KIAA2012: variants seen among roughly 807,000 people sequenced by gnomAD.
The protein encoded by KIAA2012 is KIAA2012.
A neutral mutation model predicts 150.6 loss-of-function variants in KIAA2012; 125 were observed. The ratio of observed to expected loss-of-function variants is 0.83; its 90% CI spans 0.72 to 0.96. The LOEUF is 0.96. Ranked by LOEUF, KIAA2012 falls within the 40% of genes least tolerant of loss-of-function variation. The pLI is 0.00. For synonymous variants in KIAA2012, 462 were observed against 504.7 expected, an observed-to-expected ratio of 0.92 and a Z score of 1.13; for missense variants, 1,219 against 1,354.9, an observed-to-expected ratio of 0.90 and a Z score of 1.57.
At position 202,154,748 on chromosome 2, in the gene KIAA2012, T is replaced by A. The variant is rs767566416; in HGVS notation, c.1984T>A (p.Cys662Ser). 10 of 1,550,336 alleles carry A rather than the reference T, an allele frequency of 6.5e-6. No homozygotes were observed. In the South Asian group the frequency reaches 1.2e-4, roughly 18 times the overall value. The change falls in exon 14 of 24, where the codon TGT becomes AGT. Residue 662 changes from cysteine (C) to serine (S), a missense_variant. Transcript: ENST00000498697. Reference protein sequence around the residue: ...PQSCINKALICSNRKEFYTRK... With the variant: ...PQSCINKALISSNRKEFYTRK... ...AAGTTGTATAAATAAAGCGCTGATATGTTCAAACAGAAAAGAATTTTACAC... is the reference window on the plus strand; with the variant it reads ...AAGTTGTATAAATAAAGCGCTGATAAGTTCAAACAGAAAAGAATTTTACAC...
intron 12 of KIAA2012, chr2:202,125,871 G>A (rs545985392): frequency 7.8e-4 from 350 of 447,822 alleles, no homozygotes; most frequent in Non-Finnish European, 8.6e-4. Flanking sequence ...ATGATGACCT[G>A]GAGACTTTCT....
chr2:202,108,234 A>G (rs1165383659), intron 9 of KIAA2012, among the ~76,000 whole-genome samples: 1 of 152,146 alleles, frequency 6.6e-6, no homozygotes, highest in Non-Finnish European at 1.5e-5. Context: ...TTTTTATTTT[A>G]TTGCTTAACC....
Position 202,075,043 on chromosome 2 carries a change from C to T in KIAA2012, c.237C>T (p.Ala79=). 6.4e-7 allele frequency: 1 copy of T among 1,550,576 alleles called. No homozygotes were observed. Among genetic ancestry groups the T allele is most frequent in the Non-Finnish European group, 8.7e-7 (1 of 1,146,998 alleles). The change falls in exon 2 of 24, where the codon GCC becomes GCT. Residue 79 remains alanine, a synonymous_variant. Transcript: ENST00000498697. Reference sequence around the variant, plus strand: ...TGATCCTGTACTCAGAAGGTTTTGCCATTTCGGCATGGACACCCAAAGAGA... The same window carrying T: ...TGATCCTGTACTCAGAAGGTTTTGCTATTTCGGCATGGACACCCAAAGAGA... The part of the protein sequence containing the change: ...GALILYSEGF[A]ISAWTPKERR...
chr2:202,096,171 G>A (rs1689879262), intron 4 of KIAA2012, among the ~76,000 whole-genome samples: 1 of 152,076 alleles, frequency 6.6e-6, no homozygotes, highest in South Asian at 2.1e-4. Context: ...AGGTGAATCT[G>A]ACCAGAAAAG....
chr2:202,116,951 A>G (rs558209618), intron 11 of KIAA2012: 76 of 152,340 alleles, frequency 5.0e-4, no homozygotes, highest in African/African-American at 1.6e-3. Flanking sequence ...CAAGCAGTCC[A>G]CATGGCAAGG....
rs1553556980 is a variant in KIAA2012, at chr2:202,133,109, A to AATAT, written c.1832-5304_1832-5301dup. Reference sequence around the variant, plus strand: ...GACAGTGTGAGACTGTCTAAAAAAAAATATATATATATATATATATATTTT... The same window carrying AATAT: ...GACAGTGTGAGACTGTCTAAAAAAAAATATATATATATATATATATATATATTTT... On this transcript the variant is annotated intron_variant, in intron 12 of 23. Coordinates refer to ENST00000498697, the MANE Select transcript of KIAA2012 (RefSeq NM_001277372.4). Among the ~76,000 whole-genome samples, 111 of 87,876 alleles carry AATAT rather than the reference A, an allele frequency of 1.3e-3. 8 individuals carry two copies. Among genetic ancestry groups the AATAT allele is most frequent in the East Asian group, 3.1e-3 (11 of 3,578 alleles). The allele number at this position is 87,876 out of a possible 152,430, so 57.7% of individuals were successfully genotyped here. A position where few individuals can be genotyped will look rare whatever the true frequency, so the allele number is the denominator to read the frequency against.
intron 14 of KIAA2012, among the ~76,000 whole-genome samples, chr2:202,155,517 T>G (rs1399583453): frequency 6.6e-6 from 1 of 152,130 alleles, no homozygotes; most frequent in African/African-American, 2.4e-5. Context: ...GAACTGGAAA[T>G]AAATAGCCAT....
chr2:202,133,109 A>AAAAAAAAATATATATATATAT (rs766606713), intron 12 of KIAA2012, among the ~76,000 whole-genome samples: 8 of 87,862 alleles, frequency 9.1e-5, no homozygotes, highest in Non-Finnish European at 1.5e-4. Context: ...TCTAAAAAAA[A>AAAAAAAAATATATATATATAT]ATATATATAT....
chr2:202,111,072 A>G (rs888557186), intron 10 of KIAA2012, among the ~76,000 whole-genome samples: 2 of 152,074 alleles, frequency 1.3e-5, no homozygotes, highest in African/African-American at 4.8e-5. Context: ...ATACAATTGA[A>G]CCAAACTTGG....
intron 2 of KIAA2012, among the ~76,000 whole-genome samples, chr2:202,081,947 C>T (rs781578580): frequency 4.6e-5 from 7 of 152,136 alleles, no homozygotes; most frequent in South Asian, 2.1e-4. Flanking sequence ...CTCTGAACCT[C>T]GTTACAACAT....
chr2:202,142,478 A>G (rs925550878), intron 13 of KIAA2012, among the ~76,000 whole-genome samples: 2 of 152,226 alleles, frequency 1.3e-5, no homozygotes, highest in African/African-American at 4.8e-5. Context: ...GTGTAACATC[A>G]GAGAAATGAT....
chr2:202,159,693 T>C (rs529803141), intron 14 of KIAA2012, among the ~76,000 whole-genome samples: 2 of 152,210 alleles, frequency 1.3e-5, no homozygotes, highest in South Asian at 4.2e-4. Context: ...ATATAAAAAA[T>C]TAGCCGGGCA....
intron 7 of KIAA2012, among the ~76,000 whole-genome samples, chr2:202,100,928 T>C (rs975776670): frequency 8.5e-5 from 13 of 152,342 alleles, no homozygotes; most frequent in African/African-American, 2.6e-4. Flanking sequence ...ACACCTTTTT[T>C]AGAGATGTCC....
At chr2:202,133,130 A>ATATATATATATTTTTTTTTTT (rs1279080237) in intron 12 of KIAA2012, among the ~76,000 whole-genome samples, 1 of 67,792 alleles carries the variant, frequency 1.5e-5, no homozygotes, top group South Asian at 5.4e-4. Flanking sequence ...ATATATATAT[A>ATATATATATATTTTTTTTTTT]TTTTTTTTTT....
chr2:202,125,576 CCTGCAGGTAATCCA>C (rs1045706818), intron 12 of KIAA2012, among the ~76,000 whole-genome samples: 109 of 152,192 alleles, frequency 7.2e-4, no homozygotes, highest in African/African-American at 2.4e-3. Context: ...TCCTGTGGGT[CCTGCAGGTAATCCA>C]CTGCACAATT....
chr2:202,089,302 C>T lies in KIAA2012; in HGVS notation c.370-1468C>T, dbSNP rs547947445. ...GAGTCAGGATTTACTGCATCCTAAC[C>T]TGTATGAAAATTTTGGTCGCTCTAG... is the stretch of plus-strand genomic sequence containing the variant. On this transcript the variant is annotated intron_variant, in intron 2 of 23. Transcript: ENST00000498697. Among the ~76,000 whole-genome samples, 3 of 152,290 alleles carry T rather than the reference C, an allele frequency of 2.0e-5. No individual in the cohort carries two copies. The South Asian group carries it at 6.2e-4, about 32-fold the overall frequency.
At chr2:202,187,319 T>A (rs1559232691) in intron 17 of KIAA2012, among the ~76,000 whole-genome samples, 2 of 152,102 alleles carry the variant, frequency 1.3e-5, no homozygotes, top group Non-Finnish European at 2.9e-5. Context: ...TCCTTTTTTT[T>A]TTGGAGACAC....
intron 2 of KIAA2012, among the ~76,000 whole-genome samples, chr2:202,087,654 G>A (rs1265227474): frequency 5.3e-5 from 8 of 151,938 alleles, no homozygotes; most frequent in African/African-American, 4.8e-5. Flanking sequence ...GGACTCAAGC[G>A]CTATCTTTTC....
At chr2:202,164,189 G>A (rs1000928063) in intron 14 of KIAA2012, among the ~76,000 whole-genome samples, 10 of 151,944 alleles carry the variant, frequency 6.6e-5, no homozygotes, top group African/African-American at 2.4e-4. Flanking sequence ...CAAAGGCCCA[G>A]ATCTGGCCTC....
Sources: gnomAD v4.1 joint callset for allele counts (sites outside exome capture counted in the v4.1 genomes callset) on GRCh38, gnomAD v4.1.1 for gene constraint, MANE v1.5 for transcripts, NCBI Gene and HGNC (gene_info 2026-07-23, HGNC 2026-07-21) for gene names.